The following CNTNAP2 variants were observed in gnomAD, a reference collection of about 807,000 sequenced individuals.
CNTNAP2 encodes contactin associated protein 2, also known as contactin-associated protein-like 2.
Under a neutral mutation model 155.2 loss-of-function variants are expected in CNTNAP2, and 98 were observed. That is an observed-to-expected ratio of 0.63 (90% confidence interval 0.54 to 0.75). CNTNAP2 has a LOEUF of 0.75. CNTNAP2 is among the 30% of genes least tolerant of loss of function. The pLI is 0.00. For synonymous variants in CNTNAP2, 651 were observed against 631.2 expected (o/e 1.03, Z -0.47); for missense variants, 1,727 against 1,688.1 (o/e 1.02, Z -0.40).
chr7:146,602,570 A>C (rs1176696583), intron 1 of CNTNAP2, among the ~76,000 whole-genome samples: 1 of 152,208 alleles, frequency 6.6e-6, no homozygotes, highest in Admixed American at 6.5e-5. Flanking sequence ...TTGTATTTTA[A>C]TGAGTCATCA....
At chr7:146,250,348 T>C (rs1463460571) in intron 1 of CNTNAP2, among the ~76,000 whole-genome samples, 1 of 152,176 alleles carries the variant, frequency 6.6e-6, no homozygotes, top group Non-Finnish European at 1.5e-5. Flanking sequence ...TCAACCGAAG[T>C]GTTGCTCGTT....
At chr7:147,321,440 C>T (rs2692147) in intron 9 of CNTNAP2, among the ~76,000 whole-genome samples, 66,490 of 143,770 alleles carry the variant, frequency 0.46, 15,416 homozygotes, top group East Asian at 0.73. Context: ...TTATTTTTTT[C>T]ATTTTTATTT....
rs146322640 is a variant in CNTNAP2, at chr7:147,545,087, A to G, written c.1778-17051A>G. Among the ~76,000 whole-genome samples, 364 of 152,306 alleles carry G rather than the reference A, an allele frequency of 2.4e-3. 3 individuals carry two copies. The highest frequency in any genetic ancestry group is 8.3e-3 in the African/African-American group (345 of 41,576). ...CATATACAGACAGAAAATATATTTT[A>G]TGATTGTGTTGGTGTAAAGAGGAAT... is the stretch of plus-strand genomic sequence containing the variant. On this transcript the variant is annotated intron_variant, in intron 11 of 23. Transcript: ENST00000361727.
chr7:147,766,034 C>T (rs572330270), intron 13 of CNTNAP2, among the ~76,000 whole-genome samples: 14 of 152,182 alleles, frequency 9.2e-5, no homozygotes, highest in Non-Finnish European at 1.9e-4. Context: ...TCATCTATAG[C>T]GATGGAAATG....
At chr7:147,785,072 G>A (rs967170572) in intron 13 of CNTNAP2, among the ~76,000 whole-genome samples, 1 of 152,110 alleles carries the variant, frequency 6.6e-6, no homozygotes, top group African/African-American at 2.4e-5. Flanking sequence ...AGACTCCAGT[G>A]CACATAGCAA....
At chr7:148,220,486 C>A (rs889215559) in intron 19 of CNTNAP2, among the ~76,000 whole-genome samples, 1 of 151,982 alleles carries the variant, frequency 6.6e-6, no homozygotes, top group African/African-American at 2.4e-5. Flanking sequence ...GAGGGAGTTG[C>A]CATTTTATGG....
chr7:146,578,675 T>C (rs1181833037), intron 1 of CNTNAP2, among the ~76,000 whole-genome samples: 6 of 152,118 alleles, frequency 3.9e-5, no homozygotes, highest in Non-Finnish European at 8.8e-5. Context: ...TATCTCTGCT[T>C]TATAAATGAG....
chr7:147,640,782 G>C (rs1264401419), intron 13 of CNTNAP2, among the ~76,000 whole-genome samples: 1 of 152,166 alleles, frequency 6.6e-6, no homozygotes, highest in Admixed American at 6.5e-5. Flanking sequence ...GAGACAGAGA[G>C]AGGAAGGGAT....
rs559999633 is a variant in CNTNAP2, at chr7:147,754,677, T to G, written c.2098+115371T>G. On this transcript the variant is annotated intron_variant, in intron 13 of 23. Coordinates refer to ENST00000361727, the MANE Select transcript of CNTNAP2 (RefSeq NM_014141.6). ...TTAAAACTAATTTTAGTAAAAGAAA[T>G]AATGCATTGTATTACATAAGAAAAA... Among the ~76,000 whole-genome samples, 7 of 152,214 alleles carry G rather than the reference T, an allele frequency of 4.6e-5. No homozygotes were observed. The South Asian group carries it at 1.4e-3, about 32-fold the overall frequency.
At chr7:147,273,853 TA>T in intron 8 of CNTNAP2, among the ~76,000 whole-genome samples, 1 of 147,646 alleles carries the variant, frequency 6.8e-6, no homozygotes, top group South Asian at 2.1e-4. Flanking sequence ...TAAACATATA[TA>T]AATATATATG....
intron 9 of CNTNAP2, chr7:147,378,200 T>G (rs1796472534): frequency 3.4e-6 from 1 of 295,384 alleles, no homozygotes; most frequent in Non-Finnish European, 6.7e-6. Flanking sequence ...TTGTCGATAT[T>G]CAATCTACCT....
chr7:146,744,227 CAAAAAAAA>C (rs60606492), intron 1 of CNTNAP2, among the ~76,000 whole-genome samples: 1 of 48,154 alleles, frequency 2.1e-5, no homozygotes, highest in Non-Finnish European at 4.1e-5. Context: ...CACTCTGTCT[CAAAAAAAA>C]AAAAAAAAAA....
chr7:147,139,633 G>T (rs1337526337), intron 8 of CNTNAP2, among the ~76,000 whole-genome samples: 1 of 151,908 alleles, frequency 6.6e-6, no homozygotes, highest in African/African-American at 2.4e-5. Flanking sequence ...TAAGTAATTT[G>T]GGAAGAATGT....
chr7:146,617,079 G>C (rs548178498), intron 1 of CNTNAP2, among the ~76,000 whole-genome samples: 109 of 152,266 alleles, frequency 7.2e-4, no homozygotes, highest in Middle Eastern at 3.4e-3. Context: ...GAGTGCAGTG[G>C]CGCGATCTCC....
chr7:146,944,224 G>GTTT (rs371117366), intron 3 of CNTNAP2, among the ~76,000 whole-genome samples: 41,253 of 143,416 alleles, frequency 0.29, 6,499 homozygotes, highest in Non-Finnish European at 0.36. Flanking sequence ...TCATCTACAG[G>GTTT]TTTTTTTTTT....
intron 3 of CNTNAP2, among the ~76,000 whole-genome samples, chr7:147,011,412 C>A (rs1336694842): frequency 8.5e-6 from 1 of 117,772 alleles, no homozygotes; most frequent in East Asian, 2.3e-4. Flanking sequence ...GAATGACACT[C>A]CATCTCAAAA....
intron 13 of CNTNAP2, among the ~76,000 whole-genome samples, chr7:147,767,762 T>C (rs887236690): frequency 2.0e-5 from 3 of 152,022 alleles, no homozygotes; most frequent in Non-Finnish European, 4.4e-5. Context: ...GAGAAAGAAT[T>C]GGTGTACTTT....
chr7:147,650,551 C>T (rs181844372), intron 13 of CNTNAP2, among the ~76,000 whole-genome samples: 48 of 152,208 alleles, frequency 3.2e-4, no homozygotes, highest in African/African-American at 8.2e-4. Context: ...GATTAGTAAA[C>T]GTATGTTCTC....
intron 1 of CNTNAP2, among the ~76,000 whole-genome samples, chr7:146,150,225 T>C (rs1332164683): frequency 6.6e-6 from 1 of 152,088 alleles, no homozygotes; most frequent in Non-Finnish European, 1.5e-5. Flanking sequence ...CTCACTAGAA[T>C]TGCTAAAATT....
Sources: allele counts gnomAD v4.1 joint callset (sites outside exome capture counted in the v4.1 genomes callset), GRCh38; gene constraint gnomAD v4.1.1; transcripts MANE v1.5; gene names NCBI Gene and HGNC (gene_info 2026-07-23, HGNC 2026-07-21).